The following OBSL1 variants were observed in gnomAD, a reference collection of about 807,000 sequenced individuals.
OBSL1 encodes obscurin like cytoskeletal adaptor 1.
Under a neutral mutation model 172.0 loss-of-function variants are expected in OBSL1, and 160 were observed. The observed-to-expected ratio is 0.93, with a 90% CI of 0.82 to 1.06. The LOEUF (loss-of-function observed/expected upper bound fraction) is 1.06, where lower values mean the gene tolerates loss of function less well. OBSL1 is among the 50% of genes least tolerant of loss of function. The pLI is 0.00. For missense variants in OBSL1, 2,681 were observed against 2,715.4 expected (o/e 0.99, Z 0.28); for synonymous variants, 1,200 against 1,196.3 (o/e 1.00, Z -0.06).
chr2:219,548,068 C>T, downstream of OBSL1: 2 of 1,560,176 alleles, frequency 1.3e-6, no homozygotes, highest in Non-Finnish European at 1.7e-6. Context: ...CTGAGGGGGA[C>T]TCCCACACGG....
At chr2:219,562,299 C>T in intron 8 of OBSL1, 103 bp downstream of exon 8, 1 of 1,429,334 alleles carries the variant, frequency 7.0e-7, no homozygotes. Flanking sequence ...ACCTGCAGCC[C>T]ACACCTCCCT....
At position 219,568,846 on chromosome 2, in the gene OBSL1, G is replaced by A. The variant is rs953614900; in HGVS notation, c.1013-522C>T. Among the ~76,000 whole-genome samples the A allele has an allele frequency of 6.6e-5, 10 of 151,890 alleles. No individual in the cohort carries two copies. Among genetic ancestry groups the A allele is most frequent in the African/African-American group, 2.2e-4 (9 of 41,374 alleles). On this transcript the variant is annotated intron_variant, in intron 1 of 20. Transcript: ENST00000404537. This position sits in a 1 kb window ranked among gnomAD's most constrained non-coding sequence, Gnocchi z 4.1. ...TGCAACCTCCACCTCCTGGGTTCAA[G>A]CAATTCTGGTGCCTCAGCCTCTCAA...
chr2:219,570,447 G>T lies in OBSL1; in HGVS notation c.786C>A (p.His262Gln), dbSNP rs776844222. The T allele has an allele frequency of 1.2e-6, 2 of 1,613,202 alleles. No individual in the cohort carries two copies. The highest frequency in any genetic ancestry group is 1.7e-6 in the Non-Finnish European group (2 of 1,179,580). Residue 262 changes from histidine to glutamine, a missense_variant, in exon 1 of 21, where the codon CAC (histidine) becomes CAA (glutamine). Around this residue, in one of 5 missense-constraint regions of OBSL1, gnomAD observed 706 missense variants for 695.8 expected, o/e 1.01. Coordinates refer to ENST00000404537, the MANE Select transcript of OBSL1 (RefSeq NM_015311.3). ...PKTFWVNEGK[H>Q]AKFRCYVMGK... ...CCATCACGTAGCAGCGGAACTTGGCGTGCTTGCCCTCGTTCACCCAGAAGG... is the reference window on the plus strand; with the variant it reads ...CCATCACGTAGCAGCGGAACTTGGCTTGCTTGCCCTCGTTCACCCAGAAGG...
chr2:219,551,442 T>A (rs6761575), intron 20 of OBSL1, 87 bp downstream of exon 20: 2 of 1,447,912 alleles, frequency 1.4e-6, no homozygotes, highest in South Asian at 1.4e-5. Flanking sequence ...CACCCCAAGT[T>A]CTGGAAAGCC....
At position 219,551,566 on chromosome 2, in the gene OBSL1, G is replaced by A. The variant is rs373603020; in HGVS notation, c.5646C>T (p.Ala1882=). ...PEDQGTYCCQ[A]GQDSTHTRLL... is the part of the protein sequence containing the mutation. ...GCCGTGTGTGGGTGCTGTCCTGGCCGGCCTGGCAGCAGTAAGTGCCTTGGT... is the reference window on the plus strand; with the variant it reads ...GCCGTGTGTGGGTGCTGTCCTGGCCAGCCTGGCAGCAGTAAGTGCCTTGGT... The change falls in exon 20 of 21, where the codon GCC becomes GCT. Residue 1882 remains alanine (A), a synonymous_variant. Transcript: ENST00000404537. The A allele has an allele frequency of 3.1e-6, 5 of 1,602,878 alleles. No homozygotes were observed. The highest frequency in any genetic ancestry group is 1.7e-5 in the Admixed American group (1 of 58,574).
At position 219,571,472 on chromosome 2, in the gene OBSL1, C is replaced by T; in HGVS notation, c.-240G>A. ...GAAGCCTGGCGCTCAGGGGGCAGTCCTTCCTGTTTGCCTCTCCAGCGAGTG... is the reference window on the plus strand; with the variant it reads ...GAAGCCTGGCGCTCAGGGGGCAGTCTTTCCTGTTTGCCTCTCCAGCGAGTG... On this transcript the variant is annotated 5_prime_UTR_variant, in exon 1 of 21. Coordinates refer to ENST00000404537, the MANE Select transcript of OBSL1 (RefSeq NM_015311.3). 3.4e-6 allele frequency: 1 copy of T among 294,730 alleles called. No homozygotes were observed. Among genetic ancestry groups the T allele is most frequent in the Non-Finnish European group, 6.2e-6 (1 of 160,080 alleles). 18.3% of individuals were successfully genotyped at this position (294,730 alleles called of 1,614,324 possible).
chr2:219,567,524 C>A lies in OBSL1; in HGVS notation c.1586G>T (p.Gly529Val). The part of the protein sequence containing the change: ...GPPILAEMFK[G>V]HKNTVLLTWK... The stretch of plus-strand genomic sequence containing the variant: ...GGTCAACAGGACCGTGTTCTTGTGG[C>A]CCTTGAACATCTCTGCCAATATGGG... The change falls in exon 4 of 21, where the codon GGC becomes GTC. Residue 529 changes from glycine to valine, a missense_variant. This residue lies in a region of OBSL1 where 706 missense variants were observed against 695.8 expected (regional missense o/e 1.01). Coordinates refer to ENST00000404537, the MANE Select transcript of OBSL1 (RefSeq NM_015311.3). The A allele has an allele frequency of 6.2e-7, 1 of 1,613,224 alleles. No homozygotes were observed. Among genetic ancestry groups the A allele is most frequent in the South Asian group, 1.1e-5 (1 of 90,942 alleles).
At position 219,556,163 on chromosome 2, in the gene OBSL1, G is replaced by C. The variant is rs1441667278; in HGVS notation, c.4466C>G (p.Pro1489Arg). 6.2e-7 allele frequency: 1 copy of C among 1,613,494 alleles called. No individual in the cohort carries two copies. Among genetic ancestry groups the C allele is most frequent in the Non-Finnish European group, 8.5e-7 (1 of 1,179,796 alleles). Residue 1489 changes from proline to arginine, a missense_variant, in exon 14 of 21, where the codon CCC becomes CGC. Around this residue, in one of 5 missense-constraint regions of OBSL1, gnomAD observed 1,765 missense variants for 1,748.3 expected, o/e 1.01. Coordinates refer to ENST00000404537, the MANE Select transcript of OBSL1 (RefSeq NM_015311.3). Reference sequence around the variant, plus strand: ...GGACAGGCGAGAGTCGTGGGGCAGGGGCTGCCCACCTCGCACCCAGCGCAC... The same window carrying C: ...GGACAGGCGAGAGTCGTGGGGCAGGCGCTGCCCACCTCGCACCCAGCGCAC... ...GAVRWVRGGQ[P>R]LPHDSRLSMA...
downstream of OBSL1, chr2:219,549,755 C>T: frequency 6.2e-7 from 1 of 1,614,064 alleles, no homozygotes; most frequent in Non-Finnish European, 8.5e-7. Flanking sequence ...AGACCGGGAG[C>T]TCCCTGAGCT....
downstream of OBSL1, among the ~76,000 whole-genome samples, chr2:219,548,703 G>A (rs1013833739): frequency 3.3e-5 from 5 of 152,324 alleles, no homozygotes; most frequent in South Asian, 1.0e-3. Flanking sequence ...CATTTTATTA[G>A]AAGGGCAATA....
At position 219,557,548 on chromosome 2, in the gene OBSL1, T is replaced by C. The variant is rs1321503307; in HGVS notation, c.3861A>G (p.Leu1287=). 1 of 1,552,998 alleles carries C rather than the reference T, an allele frequency of 6.4e-7. No individual in the cohort carries two copies. The highest frequency in any genetic ancestry group is 1.2e-5 in the South Asian group (1 of 84,158). ...TRVRSTPGGD[L]ELVVHLSGPG... is the part of the protein sequence containing the mutation. The stretch of plus-strand genomic sequence containing the variant: ...GCCCGGAGAGGTGCACCACCAGCTC[T>C]AGGTCCCCGCCTGGGGTGCTCCGAA... The change falls in exon 12 of 21, where the codon CTA becomes CTG. Residue 1287 remains leucine (L), a synonymous_variant. Transcript: ENST00000404537.
rs568635647 is a variant in OBSL1 at position 219,555,456 on chromosome 2, T to C, written c.4609+564A>G. 1.5e-3 allele frequency: 268 copies of C among 182,308 alleles called. 2 individuals are homozygous for C. Among genetic ancestry groups the C allele is most frequent in the African/African-American group, 6.1e-3 (258 of 42,062 alleles). 11.3% of individuals were successfully genotyped at this position (182,308 alleles called of 1,614,324 possible). ...ACCATGCCCGGCTAATTTTTATTTT[T>C]TTTTGTGGAGATGGGTTCTTGCTAT... On this transcript the variant is annotated intron_variant, in intron 14 of 20. Coordinates refer to ENST00000404537, the MANE Select transcript of OBSL1 (RefSeq NM_015311.3).
At position 219,566,336 on chromosome 2, in the gene OBSL1, G is replaced by A. The variant is rs562149206; in HGVS notation, c.2134+494C>T. Among the ~76,000 whole-genome samples the A allele has an allele frequency of 8.6e-5, 13 of 151,682 alleles. No individual in the cohort carries two copies. The South Asian group carries it at 2.7e-3, about 32-fold the overall frequency. On this transcript the variant is annotated intron_variant, in intron 5 of 20. Coordinates refer to ENST00000404537, the MANE Select transcript of OBSL1 (RefSeq NM_015311.3). ...GGAGGTTGCAGTGAGCCGAGATCGCGCCATTGCACTCCAGCCTGGGCGACA... is the reference window on the plus strand; with the variant it reads ...GGAGGTTGCAGTGAGCCGAGATCGCACCATTGCACTCCAGCCTGGGCGACA...
Position 219,570,447 on chromosome 2 carries a change from G to C in OBSL1, c.786C>G (p.His262Gln). Residue 262 changes from histidine to glutamine, a missense_variant, in exon 1 of 21, where the codon CAC becomes CAG. Coordinates refer to ENST00000404537, the MANE Select transcript of OBSL1 (RefSeq NM_015311.3). ...PKTFWVNEGK[H>Q]AKFRCYVMGK... Reference sequence around the variant, plus strand: ...CCATCACGTAGCAGCGGAACTTGGCGTGCTTGCCCTCGTTCACCCAGAAGG... The same window carrying C: ...CCATCACGTAGCAGCGGAACTTGGCCTGCTTGCCCTCGTTCACCCAGAAGG... The C allele has an allele frequency of 2.5e-6, 4 of 1,613,202 alleles. No individual in the cohort carries two copies. The highest frequency in any genetic ancestry group is 1.6e-4 in the Middle Eastern group (1 of 6,062).
chr2:219,563,625 G>A lies in OBSL1; in HGVS notation c.2410C>T (p.Pro804Ser). ...SAFFGVTVQDPPVHIVDPREH... is the reference protein window; with the variant it reads ...SAFFGVTVQDSPVHIVDPREH... ...CGGGGGTCCACGATGTGCACGGGAG[G>A]ATCTGGGTGGGAAGCAGAGATGGCA... is the stretch of plus-strand genomic sequence containing the variant. The change falls in exon 7 of 21, where the codon CCT becomes TCT. Residue 804 changes from proline to serine, a missense_variant and splice_region_variant. Pro to Ser is a moderately conservative substitution (Grantham distance 74, BLOSUM62 -1). Coordinates refer to ENST00000404537, the MANE Select transcript of OBSL1 (RefSeq NM_015311.3). 1 of 1,609,612 alleles carries A rather than the reference G, an allele frequency of 6.2e-7. No homozygotes were observed. The highest frequency in any genetic ancestry group is 8.5e-7 in the Non-Finnish European group (1 of 1,176,952).
At chr2:219,570,091 T>G (rs1697223265) in intron 1 of OBSL1, 130 bp downstream of exon 1, 1 of 819,916 alleles carries the variant, frequency 1.2e-6, no homozygotes. Flanking sequence ...GCGGGTTTGG[T>G]ATTTTAATAT....
chr2:219,570,577 T>C lies in OBSL1; in HGVS notation c.656A>G (p.Gln219Arg). Residue 219 changes from glutamine (Q) to arginine (R), a missense_variant, in exon 1 of 21, where the codon CAG becomes CGG. Gln to Arg is a conservative substitution (Grantham distance 43, BLOSUM62 1). This residue lies in a region of OBSL1 where 706 missense variants were observed against 695.8 expected (regional missense o/e 1.01). Transcript: ENST00000404537. ...GTGCACCTGGAGCAGCGCCCCCGCCTGCGCGTGGCCGTGCGCGTTGCGGGC... is the reference window on the plus strand; with the variant it reads ...GTGCACCTGGAGCAGCGCCCCCGCCCGCGCGTGGCCGTGCGCGTTGCGGGC... ...CHARNAHGHA[Q>R]AGALLQVHQP... 1.3e-6 allele frequency: 2 copies of C among 1,528,566 alleles called. No individual in the cohort carries two copies. Among genetic ancestry groups the C allele is most frequent in the South Asian group, 2.5e-5 (2 of 81,166 alleles). The allele number at this position is 1,528,566 out of a possible 1,614,324, so 94.7% of individuals were successfully genotyped here.
Position 219,565,309 on chromosome 2 carries a change from G to A in OBSL1, c.2340C>T (p.Val780=), listed in dbSNP as rs1425374163. The change falls in exon 6 of 21, where the codon GTC becomes GTT. Residue 780 remains valine, a synonymous_variant. Coordinates refer to ENST00000404537, the MANE Select transcript of OBSL1 (RefSeq NM_015311.3). ...KHRLILPEAK[V]QDSGEFECRT... ...TGCACTCAAACTCGCCACTGTCCTGGACTTTGGCCTCAGGCAGGATCAGAC... is the reference window on the plus strand; with the variant it reads ...TGCACTCAAACTCGCCACTGTCCTGAACTTTGGCCTCAGGCAGGATCAGAC... 6.2e-7 allele frequency: 1 copy of A among 1,614,018 alleles called. No individual in the cohort carries two copies. Among genetic ancestry groups the A allele is most frequent in the African/African-American group, 1.3e-5 (1 of 75,048 alleles).
Position 219,561,816 on chromosome 2 carries a change from G to A in OBSL1, c.2953+586C>T. ...AGGTTAGCGGCTGAAGCAGTCTGGG[G>A]AGAGGCAAAAAGCAATGGCAGGGAG... is the stretch of plus-strand genomic sequence containing the variant. On this transcript the variant is annotated intron_variant, in intron 8 of 20. Transcript: ENST00000404537. 7.0e-6 allele frequency: 5 copies of A among 713,630 alleles called. 1 individual carries two copies. The Admixed American group carries it at 8.0e-5, about 11-fold the overall frequency. 44.2% of individuals were successfully genotyped at this position (713,630 alleles called of 1,614,324 possible). A position where few individuals can be genotyped will look rare whatever the true frequency, so the allele number is the denominator to read the frequency against.
Sources: allele counts gnomAD v4.1 joint callset (sites outside exome capture counted in the v4.1 genomes callset), GRCh38; gene constraint gnomAD v4.1.1; regional missense constraint gnomAD v4.1.1; non-coding constraint Gnocchi (gnomAD v3.1); transcripts MANE v1.5; gene names NCBI Gene and HGNC (gene_info 2026-07-23, HGNC 2026-07-21).